The following MEIS1 variants were observed in gnomAD, a reference collection of about 807,000 sequenced individuals.
MEIS1 encodes Meis homeobox 1.
A neutral mutation model predicts 50.8 loss-of-function variants in MEIS1; 5 were observed. The observed-to-expected ratio is 0.10, with a 90% confidence interval of 0.05 to 0.21. The LOEUF (loss-of-function observed/expected upper bound fraction) is 0.21. Ranked by LOEUF, MEIS1 falls within the 10% of genes least tolerant of loss-of-function variation. The pLI is 1.00. For missense variants in MEIS1, 318 were observed against 517.3 expected (o/e 0.61, Z 3.74); for synonymous variants, 176 against 179.3 (o/e 0.98, Z 0.15).
intron 8 of MEIS1, among the ~76,000 whole-genome samples, chr2:66,544,954 C>T (rs1558558591): frequency 6.6e-6 from 1 of 152,098 alleles, no homozygotes; most frequent in Non-Finnish European, 1.5e-5. Flanking sequence ...ATTTTTGTGA[C>T]ACCACTTGCA....
chr2:66,554,936 G>A (rs937857451), intron 9 of MEIS1, among the ~76,000 whole-genome samples: 6 of 152,156 alleles, frequency 3.9e-5, no homozygotes, highest in African/African-American at 1.4e-4. Context: ...GTCATTTTAG[G>A]ATTCATAATA....
intron 8 of MEIS1, among the ~76,000 whole-genome samples, chr2:66,540,330 T>G (rs1471621523): frequency 1.3e-5 from 2 of 152,180 alleles, no homozygotes; most frequent in East Asian, 1.9e-4. Context: ...TTGTTTTTTG[T>G]TTTTTGAGAT....
At chr2:66,566,850 A>G (rs1010297722) in intron 9 of MEIS1, among the ~76,000 whole-genome samples, 1 of 150,472 alleles carries the variant, frequency 6.6e-6, no homozygotes, top group Non-Finnish European at 1.5e-5. Context: ...AAGCCACCCC[A>G]AGAAATCTCT....
At chr2:66,449,270 GTT>G (rs1672226847) in intron 6 of MEIS1, among the ~76,000 whole-genome samples, 1 of 152,018 alleles carries the variant, frequency 6.6e-6, no homozygotes, top group African/African-American at 2.4e-5. Flanking sequence ...TGTATAAAAA[GTT>G]CTGGGCTAAA....
At chr2:66,490,472 T>C (rs1673245157) in intron 7 of MEIS1, among the ~76,000 whole-genome samples, 1 of 143,954 alleles carries the variant, frequency 6.9e-6, no homozygotes, top group African/African-American at 3.0e-5. Context: ...CTTGCAAGCT[T>C]ACTTTTTAAA....
chr2:66,541,130 C>T (rs9798015), intron 8 of MEIS1, among the ~76,000 whole-genome samples: 49,775 of 151,698 alleles, frequency 0.33, 8,737 homozygotes, highest in Non-Finnish European at 0.4. Context: ...CTCTGCCTCC[C>T]GGGTTCACTC....
chr2:66,549,552 T>C (rs936585453), intron 9 of MEIS1, among the ~76,000 whole-genome samples: 2 of 152,022 alleles, frequency 1.3e-5, no homozygotes, highest in Non-Finnish European at 2.9e-5. Context: ...TCCTGGATGA[T>C]ATTATAGGGG....
intron 7 of MEIS1, among the ~76,000 whole-genome samples, 184 bp from the exon 8 acceptor site, chr2:66,511,965 C>T (rs1471506058): frequency 6.6e-6 from 1 of 152,196 alleles, no homozygotes; most frequent in Non-Finnish European, 1.5e-5. Context: ...GACCTGACTG[C>T]TCTTGAGCCT....
At chr2:66,564,766 A>G (rs1675299675) in intron 9 of MEIS1, among the ~76,000 whole-genome samples, 1 of 151,662 alleles carries the variant, frequency 6.6e-6, no homozygotes, top group African/African-American at 2.4e-5. Flanking sequence ...GTACATGTGC[A>G]CAACGTGCAG....
intron 8 of MEIS1, among the ~76,000 whole-genome samples, chr2:66,521,526 T>A (rs1674121677): frequency 6.6e-6 from 1 of 152,234 alleles, no homozygotes; most frequent in South Asian, 2.1e-4. Flanking sequence ...AGAATTAAGC[T>A]GCCACTCTGG....
intron 8 of MEIS1, among the ~76,000 whole-genome samples, chr2:66,536,467 G>C: frequency 6.6e-6 from 1 of 152,088 alleles, no homozygotes; most frequent in South Asian, 2.1e-4. Flanking sequence ...AATTATACCC[G>C]TAGCAATGCA....
At chr2:66,447,250 A>T (rs1383889861) in intron 6 of MEIS1, among the ~76,000 whole-genome samples, 2 of 152,226 alleles carry the variant, frequency 1.3e-5, no homozygotes, top group African/African-American at 4.8e-5. Flanking sequence ...TCCCTTTGTC[A>T]GGTAGTTTGT....
rs1309048861 is a variant in MEIS1 at position 66,525,428 on chromosome 2, C to G, written c.888+13134C>G. ...ATAGAAAGGATCTAAGGTACACAAG[C>G]AAGATGACAGATTTTAAATGGAAAG... is the stretch of plus-strand genomic sequence containing the variant. On this transcript the variant is annotated intron_variant, in intron 8 of 12. Coordinates refer to ENST00000272369, the MANE Select transcript of MEIS1 (RefSeq NM_002398.3). Among the ~76,000 whole-genome samples, 3 of 152,254 alleles carry G rather than the reference C, an allele frequency of 2.0e-5. No individual in the cohort carries two copies. In the East Asian group the frequency reaches 5.8e-4, roughly 29 times the overall value.
chr2:66,528,846 G>A (rs1236661769), intron 8 of MEIS1, among the ~76,000 whole-genome samples: 1 of 152,192 alleles, frequency 6.6e-6, no homozygotes, highest in East Asian at 1.9e-4. Flanking sequence ...TCCGTGGTGT[G>A]CCACTCAAGG....
intron 7 of MEIS1, among the ~76,000 whole-genome samples, chr2:66,474,924 G>T (rs896679249): frequency 6.6e-6 from 1 of 151,842 alleles, no homozygotes; most frequent in Non-Finnish European, 1.5e-5. Context: ...ATATTTTTAA[G>T]AAAAAGAGAA....
At chr2:66,516,624 G>T (rs1673977315) in intron 8 of MEIS1, among the ~76,000 whole-genome samples, 1 of 150,538 alleles carries the variant, frequency 6.6e-6, no homozygotes, top group South Asian at 2.1e-4. Context: ...TTTATGTCTT[G>T]ATTTCTGATT....
intron 7 of MEIS1, among the ~76,000 whole-genome samples, chr2:66,504,091 A>C (rs764705413): frequency 6.6e-6 from 1 of 151,772 alleles, no homozygotes; most frequent in East Asian, 2.0e-4. Context: ...TTAGCGGAGG[A>C]GGGGGAGCAG....
intron 6 of MEIS1, among the ~76,000 whole-genome samples, chr2:66,444,030 G>A (rs1213825282): frequency 1.3e-5 from 2 of 152,200 alleles, no homozygotes; most frequent in Non-Finnish European, 2.9e-5. Flanking sequence ...TGTATCTCTG[G>A]ATTGGTCCAA....
At chr2:66,478,010 A>T (rs1303291858) in intron 7 of MEIS1, among the ~76,000 whole-genome samples, 2 of 152,232 alleles carry the variant, frequency 1.3e-5, no homozygotes, top group Non-Finnish European at 2.9e-5. Context: ...ATTTGGCTAA[A>T]AACACTGTCA....
Sources: allele counts gnomAD v4.1 joint callset (sites outside exome capture counted in the v4.1 genomes callset), GRCh38; gene constraint gnomAD v4.1.1; transcripts MANE v1.5; gene names NCBI Gene and HGNC (gene_info 2026-07-23, HGNC 2026-07-21).